The following ANHX variants were observed in gnomAD, a reference collection of about 807,000 sequenced individuals.
ANHX encodes the protein anomalous homeobox protein.
ANHX carries 20 observed loss-of-function variants against 38.9 expected under a neutral mutation model. That is an observed-to-expected ratio of 0.51 (90% CI 0.36 to 0.75). The LOEUF is 0.75. Among genes scored for constraint, ANHX ranks in the 30% least tolerant of loss-of-function variants. The probability of loss-of-function intolerance (pLI) is 0.00; values close to 1 mark genes in which losing one functional copy is unlikely to be tolerated. For missense variants in ANHX, 475 were observed against 493.1 expected (o/e 0.96, Z 0.35); for synonymous variants, 185 against 203.1 (o/e 0.91, Z 0.76).
At position 133,232,723 on chromosome 12, in the gene ANHX, G is replaced by A. The variant is rs1441516969; in HGVS notation, c.250-1079C>T. ...GGGGGTTTTCATCACTGATGCCAGT[G>A]GTTGCCTTCACGGCAGTCATTACAA... On this transcript the variant is annotated intron_variant, in intron 2 of 9. Coordinates refer to ENST00000545940, the MANE Select transcript of ANHX (RefSeq NM_001372060.1). Among the ~76,000 whole-genome samples, 12 of 152,268 alleles carry A rather than the reference G, an allele frequency of 7.9e-5. 1 individual carries two copies. The highest frequency in any genetic ancestry group is 5.8e-4 in the East Asian group (3 of 5,184).
At position 133,221,073 on chromosome 12, in the gene ANHX, T is replaced by TA; in HGVS notation, c.1280+131dup. 3 of 1,220,356 alleles carry TA rather than the reference T, an allele frequency of 2.5e-6. No individual in the cohort carries two copies. The highest frequency in any genetic ancestry group is 2.7e-5 in the East Asian group (1 of 37,436). 75.6% of individuals were successfully genotyped at this position (1,220,356 alleles called of 1,614,324 possible). On this transcript the variant is annotated intron_variant, in intron 8 of 9. Transcript: ENST00000545940. The surrounding 1 kb of genome is among the most constrained non-coding windows in gnomAD (Gnocchi z 4.1). ...ATAGGTGTAGGCTTGTGGGGACTGT[T>TA]ACAGTTTTCAGCAATCCAAAGGAGA... is the stretch of plus-strand genomic sequence containing the variant.
chr12:133,224,323 A>G (rs1239405013), intron 7 of ANHX, among the ~76,000 whole-genome samples: 3 of 152,238 alleles, frequency 2.0e-5, no homozygotes, highest in African/African-American at 7.2e-5. Context: ...CAAGAAGAAA[A>G]AAAAGCTGAA....
intron 1 of ANHX, chr12:133,234,604 G>A: frequency 5.9e-6 from 3 of 504,798 alleles, no homozygotes; most frequent in Non-Finnish European, 1.1e-5. Context: ...AACGAACACG[G>A]CTGTGCACCA....
At chr12:133,233,761 G>A (rs1278125431) in intron 2 of ANHX, among the ~76,000 whole-genome samples, 1 of 152,184 alleles carries the variant, frequency 6.6e-6, no homozygotes, top group Non-Finnish European at 1.5e-5. Flanking sequence ...GAATGAGAAG[G>A]GGTCTGTCTG....
chr12:133,233,660 A>G (rs1292308768), intron 2 of ANHX, among the ~76,000 whole-genome samples: 1 of 152,216 alleles, frequency 6.6e-6, no homozygotes, highest in African/African-American at 2.4e-5. Flanking sequence ...GGTCAGGTTC[A>G]GTGCCTAATG....
At chr12:133,228,022 C>A in intron 3 of ANHX, 75 bp from the exon 4 acceptor site, 1 of 1,498,172 alleles carries the variant, frequency 6.7e-7, no homozygotes, top group Non-Finnish European at 8.9e-7. Context: ...GCCTGGCCCT[C>A]TGCAGAAGGT....
At position 133,234,143 on chromosome 12, in the gene ANHX, G is replaced by C; in HGVS notation, c.214C>G (p.Gln72Glu). 6.5e-7 allele frequency: 1 copy of C among 1,536,042 alleles called. No individual in the cohort carries two copies. Among genetic ancestry groups the C allele is most frequent in the Non-Finnish European group, 8.7e-7 (1 of 1,146,886 alleles). ...ALACARVLDQ[Q>E]EQQQAACRLL... ...CGGCAAGCCGCCTGCTGCTGCTCCT[G>C]CTGGTCCAGGACACGGGCGCACGCC... The change falls in exon 2 of 10, where the codon CAG becomes GAG. Residue 72 changes from glutamine to glutamate, a missense_variant. Gln to Glu is a conservative substitution (Grantham distance 29). Transcript: ENST00000545940.
At chr12:133,230,950 G>A (rs1312534986) in intron 3 of ANHX, among the ~76,000 whole-genome samples, 1 of 152,126 alleles carries the variant, frequency 6.6e-6, no homozygotes, top group Non-Finnish European at 1.5e-5. Context: ...CGATGATAAG[G>A]ACTACCACTT....
intron 3 of ANHX, among the ~76,000 whole-genome samples, chr12:133,230,108 T>A (rs991487053): frequency 6.6e-6 from 1 of 152,234 alleles, no homozygotes; most frequent in African/African-American, 2.4e-5. Context: ...CTCTGAATTA[T>A]GTGACCTACT....
rs1957072427 is a variant in ANHX at position 133,218,997 on chromosome 12, C to T, written c.1366-26G>A. Reference sequence around the variant, plus strand: ...CTGGAAGACAACACAGTGGTAAACACAGAGGCTTCCTTTCCAGGCTCAAGA... The same window carrying T: ...CTGGAAGACAACACAGTGGTAAACATAGAGGCTTCCTTTCCAGGCTCAAGA... On this transcript the variant is annotated intron_variant, in intron 9 of 9. Coordinates refer to ENST00000545940, the MANE Select transcript of ANHX (RefSeq NM_001372060.1). The T allele has an allele frequency of 2.6e-6, 4 of 1,514,294 alleles. No homozygotes were observed. In the African/African-American group the frequency reaches 4.1e-5, roughly 16 times the overall value. The allele number at this position is 1,514,294 out of a possible 1,614,324, so 93.8% of individuals were successfully genotyped here.
intron 7 of ANHX, among the ~76,000 whole-genome samples, chr12:133,224,374 A>T (rs1240780385): frequency 6.6e-6 from 1 of 152,230 alleles, no homozygotes; most frequent in Non-Finnish European, 1.5e-5. Flanking sequence ...AAATATAGGT[A>T]AATTTGGCTG....
At chr12:133,224,916 G>C (rs549215215) in intron 7 of ANHX, among the ~76,000 whole-genome samples, 6 of 146,214 alleles carry the variant, frequency 4.1e-5, no homozygotes, top group East Asian at 2.0e-4. Context: ...GCAGTGAGCC[G>C]AGATCACGCC....
In ANHX at chr12:133,218,564, C is replaced by G. The variant is rs1957066136; in HGVS notation, c.*321G>C. 4.8e-6 allele frequency: 1 copy of G among 207,406 alleles called. No individual in the cohort carries two copies. The highest frequency in any genetic ancestry group is 2.3e-5 in the African/African-American group (1 of 43,486). 12.8% of individuals were successfully genotyped at this position (207,406 alleles called of 1,614,324 possible). Reference sequence around the variant, plus strand: ...GACGGCAAGGCAGCCAGCAGCAGAACACTCCCCTCTCTAGAATGGCCTTCT... The same window carrying G: ...GACGGCAAGGCAGCCAGCAGCAGAAGACTCCCCTCTCTAGAATGGCCTTCT... On this transcript the variant is annotated 3_prime_UTR_variant, in exon 10 of 10. Transcript: ENST00000545940.
chr12:133,222,554 A>G (rs899842718), intron 7 of ANHX, among the ~76,000 whole-genome samples: 10 of 152,176 alleles, frequency 6.6e-5, no homozygotes, highest in African/African-American at 2.2e-4. Context: ...ACACCCATTG[A>G]CCGTCCCCAC....
intron 1 of ANHX, 35 bp from the exon 2 acceptor site, chr12:133,234,413 C>A (rs1566413175): frequency 6.7e-7 from 1 of 1,498,934 alleles, no homozygotes; most frequent in Non-Finnish European, 8.9e-7. Flanking sequence ...ATGGCCACCA[C>A]TGACCACGTC....
At position 133,221,327 on chromosome 12, in the gene ANHX, A is replaced by T; in HGVS notation, c.1158T>A (p.His386Gln). Residue 386 changes from histidine (H) to glutamine (Q), a missense_variant, in exon 8 of 10, where the codon CAT becomes CAA. His to Gln is a conservative substitution (Grantham distance 24). Coordinates refer to ENST00000545940, the MANE Select transcript of ANHX (RefSeq NM_001372060.1). This position sits in a 1 kb window ranked among gnomAD's most constrained non-coding sequence, Gnocchi z 4.1. ...PTGFSGPPSG[H>Q]PQSVQLEEGL... ...CCTCCTCCAATTGCACGCTCTGGGG[A>T]TGGCCGCTGGGGGGGCCAGAAAACC... 1 of 1,535,742 alleles carries T rather than the reference A, an allele frequency of 6.5e-7. No homozygotes were observed. Among genetic ancestry groups the T allele is most frequent in the Non-Finnish European group, 8.7e-7 (1 of 1,146,774 alleles).
In ANHX at chr12:133,227,824, C is replaced by T; in HGVS notation, c.501G>A (p.Arg167=). ...GGTCCTGGGTATCTTCTATTCTTAC[C>T]CTCTCAGCCTTGCTGGGGTTGGTGT... The part of the protein sequence containing the change: ...GVNTNPSKAE[R]ENLALETSLT... The change falls in exon 4 of 10, where the codon AGG becomes AGA. Residue 167 remains arginine (R), a splice_region_variant and synonymous_variant. Transcript: ENST00000545940. 1.3e-6 allele frequency: 2 copies of T among 1,535,492 alleles called. No individual in the cohort carries two copies. The highest frequency in any genetic ancestry group is 1.7e-6 in the Non-Finnish European group (2 of 1,146,598).
At chr12:133,235,344 G>A (rs148916123) in intron 1 of ANHX, 4,063 of 152,326 alleles carry the variant, frequency 0.027, 109 homozygotes, top group Admixed American at 0.057. Flanking sequence ...AAGGAAAAAG[G>A]TTCCTGTGGG....
At chr12:133,230,381 C>T (rs1957252945) in intron 3 of ANHX, among the ~76,000 whole-genome samples, 1 of 152,228 alleles carries the variant, frequency 6.6e-6, no homozygotes, top group South Asian at 2.1e-4. Context: ...TTGATGGGTA[C>T]CACGCAAGAA....
Sources: gnomAD v4.1 joint callset for allele counts (sites outside exome capture counted in the v4.1 genomes callset) on GRCh38, gnomAD v4.1.1 for gene constraint, Gnocchi (gnomAD v3.1) non-coding constraint, MANE v1.5 for transcripts, NCBI Gene and HGNC (gene_info 2026-07-23, HGNC 2026-07-21) for gene names.